RAD54L2: variants seen among roughly 807,000 people sequenced by gnomAD.
The protein encoded by RAD54L2 is helicase ARIP4.
In RAD54L2, 27 loss-of-function variants were observed where a neutral mutation model predicts 138.4. The ratio of observed to expected loss-of-function variants is 0.20; its 90% CI spans 0.14 to 0.27. The LOEUF (loss-of-function observed/expected upper bound fraction) is 0.27. RAD54L2 is among the 10% of genes least tolerant of loss of function. The pLI, the probability that RAD54L2 is intolerant of heterozygous loss-of-function variation, is 1.00. For synonymous variants in RAD54L2, 644 were observed against 723.2 expected (o/e 0.89, Z 1.76); for missense variants, 1,396 against 1,890.2 (o/e 0.74, Z 4.85).
Position 51,559,240 on chromosome 3 carries a change from A to G in RAD54L2, c.-55+17590A>G, listed in dbSNP as rs141932282. 4.5e-3 allele frequency among the ~76,000 whole-genome samples: 680 copies of G among 152,304 alleles called. 9 individuals are homozygous for G. The highest frequency in any genetic ancestry group is 0.014 in the African/African-American group (577 of 41,568). On this transcript the variant is annotated intron_variant, in intron 2 of 22. Coordinates refer to ENST00000684192, the MANE Select transcript of RAD54L2 (RefSeq NM_015106.4). ...TTACTCTTTCACATTTAATGTGTCT[A>G]AATTTTATCTCCACTGATATTCTCC...
chr3:51,541,020 G>C (rs1168555521), intron 1 of RAD54L2: 2 of 123,968 alleles, frequency 1.6e-5, no homozygotes, highest in Non-Finnish European at 3.1e-5. Context: ...CAGCCTCAGC[G>C]ACAAAGCGAG....
intron 2 of RAD54L2, among the ~76,000 whole-genome samples, chr3:51,573,919 C>A (rs1699399876): frequency 6.6e-6 from 1 of 151,980 alleles, no homozygotes; most frequent in South Asian, 2.1e-4. Flanking sequence ...CATATGTATA[C>A]ATGTGCCATG....
chr3:51,577,174 C>T (rs1279057691), intron 2 of RAD54L2, among the ~76,000 whole-genome samples: 1 of 152,118 alleles, frequency 6.6e-6, no homozygotes, highest in Non-Finnish European at 1.5e-5. Flanking sequence ...TTTCTTAATC[C>T]TGAGTTCTAA....
intron 20 of RAD54L2, among the ~76,000 whole-genome samples, 186 bp from the exon 21 acceptor site, chr3:51,657,394 A>G (rs749977752): frequency 2.2e-4 from 33 of 152,206 alleles, no homozygotes; most frequent in Non-Finnish European, 4.4e-4. Flanking sequence ...TTTTCATAGT[A>G]TTCTTTGTTT....
At chr3:51,627,502 C>T in intron 3 of RAD54L2, 51 bp from the exon 4 acceptor site, 1 of 1,511,358 alleles carries the variant, frequency 6.6e-7, no homozygotes, top group Non-Finnish European at 9.0e-7. Flanking sequence ...GTCATCCAGA[C>T]TCATTCCCCC....
chr3:51,545,911 TATCAAAGCC>T (rs1444599158), intron 2 of RAD54L2, among the ~76,000 whole-genome samples: 15 of 151,448 alleles, frequency 9.9e-5, no homozygotes, highest in Middle Eastern at 6.8e-3. Flanking sequence ...TTAGGAAGGT[TATCAAAGCC>T]TACATCAATT....
rs946002759 is a variant in RAD54L2 at position 51,662,854 on chromosome 3, C to T, written c.3838C>T (p.Pro1280Ser). 6.2e-7 allele frequency: 1 copy of T among 1,613,472 alleles called. No individual in the cohort carries two copies. Residue 1280 changes from proline (P) to serine (S), a missense_variant, in exon 23 of 23, where the codon CCC (proline) becomes TCC (serine). By Grantham distance (74) the Pro-to-Ser change is moderately conservative (BLOSUM62 -1). Around this residue, in one of 7 missense-constraint regions of RAD54L2, gnomAD observed 634 missense variants for 711.2 expected, o/e 0.89. Coordinates refer to ENST00000684192, the MANE Select transcript of RAD54L2 (RefSeq NM_015106.4). The surrounding 1 kb of genome is among the most constrained non-coding windows in gnomAD (Gnocchi z 4.6). The stretch of plus-strand genomic sequence containing the variant: ...GTCCAGGAAGGGTCATCTGCCAGCC[C>T]CCGTGCAGCCGTATGAACACGGGTA... ...RRSRKGHLPA[P>S]VQPYEHGYPV...
At chr3:51,547,867 C>T (rs1262015138) in intron 2 of RAD54L2, among the ~76,000 whole-genome samples, 2 of 152,060 alleles carry the variant, frequency 1.3e-5, no homozygotes, top group Non-Finnish European at 2.9e-5. Flanking sequence ...CAGACGTGCC[C>T]AGCCTATAAA....
chr3:51,557,854 A>AT (rs1491555137), intron 2 of RAD54L2, among the ~76,000 whole-genome samples: 1 of 148,666 alleles, frequency 6.7e-6, no homozygotes, highest in African/African-American at 2.5e-5. Context: ...AAAAAAAAAA[A>AT]GAACATTCTA....
intron 2 of RAD54L2, among the ~76,000 whole-genome samples, chr3:51,542,131 C>T (rs1044725669): frequency 2.6e-5 from 4 of 152,134 alleles, no homozygotes; most frequent in African/African-American, 9.7e-5. Context: ...ATTTTTGACC[C>T]TTGATAAGCT....
Position 51,568,465 on chromosome 3 carries a change from A to G in RAD54L2, c.-54-21902A>G, listed in dbSNP as rs114274632. ...GTAACTTCATTAACCCTCCTACTCAAATGCAGGCCTGGAGTCTTTGTCCTT... is the reference window on the plus strand; with the variant it reads ...GTAACTTCATTAACCCTCCTACTCAGATGCAGGCCTGGAGTCTTTGTCCTT... On this transcript the variant is annotated intron_variant, in intron 2 of 22. Transcript: ENST00000684192. Among the ~76,000 whole-genome samples, 687 of 152,272 alleles carry G rather than the reference A, an allele frequency of 4.5e-3. 4 individuals are homozygous for G. Among genetic ancestry groups the G allele is most frequent in the African/African-American group, 0.016 (660 of 41,546 alleles).
At chr3:51,571,800 A>G (rs939190574) in intron 2 of RAD54L2, among the ~76,000 whole-genome samples, 3 of 151,368 alleles carry the variant, frequency 2.0e-5, no homozygotes, top group Non-Finnish European at 2.9e-5. Context: ...AACATCTATT[A>G]TTTTCCACTT....
At position 51,652,758 on chromosome 3, in the gene RAD54L2, C is replaced by A. The variant is rs542848176; in HGVS notation, c.3027-3213C>A. 1.9e-4 allele frequency among the ~76,000 whole-genome samples: 29 copies of A among 152,294 alleles called. No homozygotes were observed. In the South Asian group the frequency reaches 3.1e-3, roughly 16 times the overall value. On this transcript the variant is annotated intron_variant, in intron 19 of 22. Transcript: ENST00000684192. ...AAGCTGAAACTGGATCCCTTCCTTA[C>A]ACCTTATACAAAAATCAATTCAAGA...
chr3:51,646,896 T>G (rs1701293497), intron 19 of RAD54L2, among the ~76,000 whole-genome samples: 2 of 152,210 alleles, frequency 1.3e-5, no homozygotes, highest in Non-Finnish European at 2.9e-5. Flanking sequence ...CCTAAGGGGA[T>G]TCCATTCTGT....
intron 3 of RAD54L2, among the ~76,000 whole-genome samples, chr3:51,595,716 C>T (rs980457399): frequency 6.6e-6 from 1 of 152,142 alleles, no homozygotes; most frequent in Non-Finnish European, 1.5e-5. Flanking sequence ...GGACCCATGA[C>T]ATGTTGTGAG....
chr3:51,635,748 T>C lies in RAD54L2; in HGVS notation c.1298T>C (p.Ile433Thr), dbSNP rs1700969885. ...KTKKRSHPVI[I>T]DLDEEDRQQE... ...AAGAAGCGTTCTCACCCAGTCATCA[T>C]TGATCTAGATGAGGAAGATCGGCAG... is the stretch of plus-strand genomic sequence containing the variant. Residue 433 changes from isoleucine (I) to threonine (T), a missense_variant, in exon 10 of 23, where the codon ATT (isoleucine) becomes ACT (threonine). Around this residue, in one of 7 missense-constraint regions of RAD54L2, gnomAD observed 169 missense variants for 235.6 expected, o/e 0.72. Transcript: ENST00000684192. 1.9e-6 allele frequency: 3 copies of C among 1,613,620 alleles called. No individual in the cohort carries two copies. The highest frequency in any genetic ancestry group is 2.5e-6 in the Non-Finnish European group (3 of 1,179,800).
intron 2 of RAD54L2, among the ~76,000 whole-genome samples, chr3:51,580,694 A>T (rs1699586517): frequency 6.6e-6 from 1 of 152,216 alleles, no homozygotes; most frequent in Non-Finnish European, 1.5e-5. Context: ...GGAACCTGGG[A>T]CAGAGACCAA....
intron 19 of RAD54L2, among the ~76,000 whole-genome samples, chr3:51,654,884 C>A (rs1331048772): frequency 1.3e-5 from 2 of 152,150 alleles, no homozygotes; most frequent in African/African-American, 4.8e-5. Context: ...ATACTTCTTA[C>A]CCAAATTCTT....
chr3:51,552,600 T>G (rs1698867293), intron 2 of RAD54L2, among the ~76,000 whole-genome samples: 1 of 136,808 alleles, frequency 7.3e-6, no homozygotes, highest in Admixed American at 7.6e-5. Flanking sequence ...AGAGAGGGTC[T>G]GACTCTTGCT....
Sources: gnomAD v4.1 joint callset for allele counts (sites outside exome capture counted in the v4.1 genomes callset) on GRCh38, gnomAD v4.1.1 for gene constraint, gnomAD v4.1.1 regional missense constraint, Gnocchi (gnomAD v3.1) non-coding constraint, MANE v1.5 for transcripts, NCBI Gene and HGNC (gene_info 2026-07-23, HGNC 2026-07-21) for gene names.